Variants in POLA1 observed in about 807,000 individuals in gnomAD.
The protein encoded by POLA1 is DNA polymerase alpha catalytic subunit.
POLA1 carries 15 observed loss-of-function variants against 124.0 expected under a neutral mutation model. The ratio of observed to expected loss-of-function variants is 0.12; its 90% CI spans 0.08 to 0.19. POLA1 has a LOEUF of 0.19. POLA1 is among the 10% of genes least tolerant of loss of function. The pLI, the probability that POLA1 is intolerant of heterozygous loss-of-function variation, is 1.00. For synonymous variants in POLA1, 408 were observed against 389.4 expected (o/e 1.05, Z -0.56); for missense variants, 886 against 1,103.4 (o/e 0.80, Z 2.79).
chrX:24,922,768 A>G (rs1032732934), intron 35 of POLA1, among the ~76,000 whole-genome samples: 4 of 111,554 alleles, frequency 3.6e-5, no homozygotes, highest in African/African-American at 6.5e-5. Context: ...TTGGCCCACT[A>G]TCTCAGCACT....
At chrX:24,854,462 G>A (rs1033134478) in intron 34 of POLA1, among the ~76,000 whole-genome samples, 2 of 111,329 alleles carry the variant, frequency 1.8e-5, no homozygotes, top group Admixed American at 9.5e-5. Flanking sequence ...TAATATCATC[G>A]TAATATTATA....
chrX:24,784,059 C>CTTTTTTTTT (rs11295214), intron 26 of POLA1, among the ~76,000 whole-genome samples: 2 of 59,509 alleles, frequency 3.4e-5, no homozygotes, highest in Admixed American at 2.1e-4. Flanking sequence ...ATTTATATTT[C>CTTTTTTTTT]TTTTTTTTTT....
At position 24,734,969 on chromosome X, in the gene POLA1, C is replaced by T. The variant is rs11573352; in HGVS notation, c.1834-430C>T. Among the ~76,000 whole-genome samples the T allele has an allele frequency of 3.2e-3, 359 of 111,786 alleles. 1 individual carries two copies. The highest frequency in any genetic ancestry group is 5.8e-3 in the Non-Finnish European group (307 of 53,175). On this transcript the variant is annotated intron_variant, in intron 17 of 36. Transcript: ENST00000379068. The stretch of plus-strand genomic sequence containing the variant: ...TAGTCTAGTTTCTTATTTATCAGTT[C>T]TCATCTTACCATTTGGGATTATTTT...
At chrX:24,976,853 G>A in intron 36 of POLA1, among the ~76,000 whole-genome samples, 1 of 111,844 alleles carries the variant, frequency 8.9e-6, no homozygotes, top group Non-Finnish European at 1.9e-5. Flanking sequence ...GGCACAGAGT[G>A]CATCTCCCAG....
At chrX:24,966,909 T>TAAGA (rs1247622666) in intron 36 of POLA1, among the ~76,000 whole-genome samples, 2 of 112,469 alleles carry the variant, frequency 1.8e-5, no homozygotes, top group Non-Finnish European at 3.8e-5. Flanking sequence ...ATGTAATTGG[T>TAAGA]AAGAAAGAAA....
In POLA1 at chrX:24,757,436, C is replaced by CTTTTTTTTTTTTTTT. The variant is rs66782103; in HGVS notation, c.2964+8451_2964+8465dup. Among the ~76,000 whole-genome samples, 231 of 62,110 alleles carry CTTTTTTTTTTTTTTT rather than the reference C, an allele frequency of 3.7e-3. 12 individuals are homozygous for CTTTTTTTTTTTTTTT. Among genetic ancestry groups the CTTTTTTTTTTTTTTT allele is most frequent in the Middle Eastern group, 7.3e-3 (1 of 137 alleles). 53.9% of individuals were successfully genotyped at this position (62,110 alleles called of 115,157 possible). A position where few individuals can be genotyped will look rare whatever the true frequency, so the allele number is the denominator to read the frequency against. On this transcript the variant is annotated intron_variant, in intron 26 of 36. Coordinates refer to ENST00000379068, the MANE Select transcript of POLA1 (RefSeq NM_001330360.2). ...ATCTGAAATGCTCCAAAATCTGAAA[C>CTTTTTTTTTTTTTTT]TTTTTTTTTTTTTTTTTTTTTGAGA... is the stretch of plus-strand genomic sequence containing the variant.
At chrX:24,881,422 T>C (rs1005251401) in intron 34 of POLA1, among the ~76,000 whole-genome samples, 1 of 111,711 alleles carries the variant, frequency 9.0e-6, no homozygotes, top group African/African-American at 3.3e-5. Flanking sequence ...ACTAATAGAG[T>C]AAATATTACC....
In POLA1 at chrX:24,793,031, C is replaced by T. The variant is rs59095347; in HGVS notation, c.2965-16867C>T. Among the ~76,000 whole-genome samples, 757 of 110,493 alleles carry T rather than the reference C, an allele frequency of 6.9e-3. 20 individuals carry two copies. In the East Asian group the frequency reaches 0.091, roughly 13 times the overall value. On this transcript the variant is annotated intron_variant, in intron 26 of 36. Transcript: ENST00000379068. ...GCCTAGATTTTCTGTAATCCCAGCA[C>T]TTTGGGAGGCCGAGGTGGGTGGATC...
chrX:24,936,827 G>A (rs1438425723), intron 36 of POLA1, among the ~76,000 whole-genome samples: 1 of 112,010 alleles, frequency 8.9e-6, no homozygotes, highest in East Asian at 2.8e-4. Context: ...CACCGTGCCC[G>A]GCCTGGTTGT....
At chrX:24,918,512 G>A (rs895781479) in intron 35 of POLA1, among the ~76,000 whole-genome samples, 5 of 111,731 alleles carry the variant, frequency 4.5e-5, no homozygotes, top group Non-Finnish European at 9.4e-5. Context: ...ACTGTTCTAA[G>A]CATTTTTTCT....
chrX:24,767,173 A>G (rs1192865629), intron 26 of POLA1, among the ~76,000 whole-genome samples: 2 of 112,414 alleles, frequency 1.8e-5, no homozygotes, highest in Non-Finnish European at 3.8e-5. Flanking sequence ...TTTATCCACT[A>G]GTAGCCTGTG....
In POLA1 at chrX:24,729,813, T is replaced by C. The variant is rs145421095; in HGVS notation, c.1686+1877T>C. On this transcript the variant is annotated intron_variant, in intron 15 of 36. Coordinates refer to ENST00000379068, the MANE Select transcript of POLA1 (RefSeq NM_001330360.2). ...GTATGTGTTTTGATCTTTTTTTCTT[T>C]CTTTTTTTTGAGACAGAGTCTTACT... 1.7e-3 allele frequency among the ~76,000 whole-genome samples: 190 copies of C among 111,335 alleles called. 1 individual carries two copies. Among genetic ancestry groups the C allele is most frequent in the African/African-American group, 6.0e-3 (183 of 30,612 alleles).
intron 1 of POLA1, among the ~76,000 whole-genome samples, chrX:24,697,684 A>G (rs747905354): frequency 3.6e-4 from 40 of 111,861 alleles, no homozygotes; most frequent in African/African-American, 1.3e-3. Context: ...ATTTCAGTCA[A>G]ACACTTAGTC....
At chrX:24,811,696 CTAAG>C (rs1225166146) in intron 28 of POLA1, among the ~76,000 whole-genome samples, 2 of 104,547 alleles carry the variant, frequency 1.9e-5, no homozygotes, top group Non-Finnish European at 3.9e-5. Flanking sequence ...TGAAAACAGT[CTAAG>C]TGTTATATGT....
intron 34 of POLA1, among the ~76,000 whole-genome samples, chrX:24,852,012 TG>T (rs1379114602): frequency 1.4e-4 from 16 of 112,689 alleles, no homozygotes; most frequent in Admixed American, 1.2e-3. Context: ...TTTTCATATT[TG>T]GTTTGCCCAG....
intron 34 of POLA1, among the ~76,000 whole-genome samples, chrX:24,855,567 G>A (rs767148934): frequency 1.1e-3 from 127 of 111,965 alleles, no homozygotes; most frequent in African/African-American, 4.0e-3. Context: ...TCCCCCAAAG[G>A]ACATTGGAGG....
intron 36 of POLA1, among the ~76,000 whole-genome samples, chrX:24,957,384 G>A (rs1276098156): frequency 9.0e-6 from 1 of 111,245 alleles, no homozygotes; most frequent in Admixed American, 9.6e-5. Context: ...TTGCTGATGG[G>A]AGTAAGTTGG....
chrX:24,962,275 A>C (rs2048176799), intron 36 of POLA1, among the ~76,000 whole-genome samples: 1 of 111,416 alleles, frequency 9.0e-6, no homozygotes, highest in Admixed American at 9.6e-5. Context: ...ACTGTAAAAA[A>C]AAGTAGTTTG....
intron 36 of POLA1, among the ~76,000 whole-genome samples, chrX:24,933,937 C>T (rs187385390): frequency 7.8e-4 from 88 of 112,339 alleles, no homozygotes; most frequent in African/African-American, 2.7e-3. Flanking sequence ...GCTGTAACTG[C>T]ATTACATTTT....
Sources: allele counts gnomAD v4.1 joint callset (sites outside exome capture counted in the v4.1 genomes callset), GRCh38; gene constraint gnomAD v4.1.1; transcripts MANE v1.5; gene names NCBI Gene and HGNC (gene_info 2026-07-23, HGNC 2026-07-21).